Variants in SPAG16 observed in about 807,000 individuals in gnomAD.
SPAG16 encodes the protein sperm associated antigen 16, also known as sperm-associated antigen 16 protein.
In SPAG16, 86 loss-of-function variants were observed where a neutral mutation model predicts 80.4. That is an observed-to-expected ratio of 1.07 (90% CI 0.90 to 1.28). The LOEUF is 1.28. SPAG16 is among the 50% of genes most tolerant of loss of function. SPAG16 has a pLI of 0.00. For missense variants in SPAG16, 870 were observed against 765.3 expected (o/e 1.14, Z -1.61); for synonymous variants, 294 against 265.9 (o/e 1.11, Z -1.03).
In SPAG16 at chr2:214,098,675, A is replaced by G. The variant is rs541260217; in HGVS notation, c.1528-9521A>G. Among the ~76,000 whole-genome samples, 10 of 152,244 alleles carry G rather than the reference A, an allele frequency of 6.6e-5. No individual in the cohort carries two copies. In the South Asian group the frequency reaches 2.1e-3, roughly 32 times the overall value. ...GTTATGGTAGCTTTAGCAAACTAGT[A>G]TAAACTTAATTGTGTCTAAGGATGA... On this transcript the variant is annotated intron_variant, in intron 13 of 15. Transcript: ENST00000331683.
chr2:213,846,526 T>A (rs1206947397), intron 10 of SPAG16, among the ~76,000 whole-genome samples: 1 of 152,002 alleles, frequency 6.6e-6, no homozygotes, highest in Non-Finnish European at 1.5e-5. Flanking sequence ...GTAAAACCAG[T>A]CCATGTCATA....
intron 4 of SPAG16, 78 bp from the exon 5 acceptor site, chr2:213,317,141 A>G (rs954523568): frequency 1.2e-6 from 1 of 864,662 alleles, no homozygotes; most frequent in African/African-American, 1.7e-5. Flanking sequence ...CTGAGACTTA[A>G]CTTTTTGAAT....
At chr2:213,593,835 A>C (rs112912069) in intron 10 of SPAG16, among the ~76,000 whole-genome samples, 8,877 of 120,118 alleles carry the variant, frequency 0.074, 942 homozygotes, top group African/African-American at 0.25. Context: ...AGTGCAGTGT[A>C]GAGATCTCGG....
At chr2:213,597,586 C>CT (rs1230406388) in intron 10 of SPAG16, among the ~76,000 whole-genome samples, 1 of 151,990 alleles carries the variant, frequency 6.6e-6, no homozygotes, top group African/African-American at 2.4e-5. Context: ...ATTATAATTT[C>CT]TTTTTTTGCT....
chr2:214,191,583 GCATGCCCCTAAT>G (rs1389691069), intron 15 of SPAG16, among the ~76,000 whole-genome samples: 1 of 151,372 alleles, frequency 6.6e-6, no homozygotes, highest in Non-Finnish European at 1.5e-5. Context: ...GTGTGGTAGT[GCATGCCCCTAAT>G]CACAGCTAGG....
intron 1 of SPAG16, among the ~76,000 whole-genome samples, chr2:213,286,380 T>A (rs1217987434): frequency 2.0e-5 from 3 of 152,080 alleles, no homozygotes; most frequent in Non-Finnish European, 2.9e-5. Context: ...AGGGAAGAGG[T>A]TTAGTCATTT....
intron 10 of SPAG16, among the ~76,000 whole-genome samples, chr2:213,660,404 G>A (rs978688671): frequency 1.3e-5 from 2 of 151,966 alleles, no homozygotes; most frequent in African/African-American, 2.4e-5. Flanking sequence ...ACATATGTAT[G>A]TATGTATGTA....
intron 4 of SPAG16, among the ~76,000 whole-genome samples, chr2:213,313,920 A>G (rs546654133): frequency 5.3e-5 from 8 of 151,970 alleles, no homozygotes; most frequent in Non-Finnish European, 1.0e-4. Flanking sequence ...ACATGGAGGA[A>G]AAGTTCTCAT....
chr2:214,356,780 C>T (rs1028325418), intron 15 of SPAG16, among the ~76,000 whole-genome samples: 1 of 151,854 alleles, frequency 6.6e-6, no homozygotes, highest in African/African-American at 2.4e-5. Context: ...TTAGTTCTAT[C>T]TTATTTTTTA....
intron 14 of SPAG16, among the ~76,000 whole-genome samples, chr2:214,111,466 C>A (rs1482631952): frequency 6.6e-6 from 1 of 152,084 alleles, no homozygotes; most frequent in African/African-American, 2.4e-5. Context: ...TTTCTGAGGG[C>A]TCTGTTCTGT....
intron 14 of SPAG16, among the ~76,000 whole-genome samples, chr2:214,136,472 G>A (rs1403575799): frequency 1.3e-5 from 2 of 152,168 alleles, no homozygotes; most frequent in Non-Finnish European, 1.5e-5. Flanking sequence ...TTGTAATGAT[G>A]TAGTGCTGTG....
intron 9 of SPAG16, among the ~76,000 whole-genome samples, chr2:213,462,491 C>A (rs2072432944): frequency 6.6e-6 from 1 of 152,132 alleles, no homozygotes; most frequent in Admixed American, 6.5e-5. Context: ...TGTGTCCCTA[C>A]CCAAATCTCA....
At chr2:213,702,720 C>T (rs930526173) in intron 10 of SPAG16, among the ~76,000 whole-genome samples, 4 of 152,116 alleles carry the variant, frequency 2.6e-5, no homozygotes, top group African/African-American at 9.7e-5. Flanking sequence ...CAGTGAATTA[C>T]AAGGGAGTGT....
intron 5 of SPAG16, chr2:213,317,838 C>T (rs1298148977): frequency 1.8e-6 from 1 of 550,400 alleles, no homozygotes; most frequent in Non-Finnish European, 2.3e-6. Context: ...AAATGTATCC[C>T]TCTGTTGGGG....
At chr2:213,385,800 A>G (rs906074890) in intron 9 of SPAG16, among the ~76,000 whole-genome samples, 4 of 151,632 alleles carry the variant, frequency 2.6e-5, no homozygotes, top group African/African-American at 7.3e-5. Flanking sequence ...GTCCACACAC[A>G]CACACACACA....
At chr2:213,358,042 C>G (rs904349433) in intron 7 of SPAG16, among the ~76,000 whole-genome samples, 4 of 152,146 alleles carry the variant, frequency 2.6e-5, no homozygotes, top group Non-Finnish European at 5.9e-5. Context: ...ATATGAAATT[C>G]TGGGTTGAAA....
At position 213,685,636 on chromosome 2, in the gene SPAG16, A is replaced by G. The variant is rs562874251; in HGVS notation, c.1071-176849A>G. Among the ~76,000 whole-genome samples, 13 of 152,258 alleles carry G rather than the reference A, an allele frequency of 8.5e-5. No homozygotes were observed. The East Asian group carries it at 2.3e-3, about 27-fold the overall frequency. ...GCAAAGGAAGAATAAGAGCAACTTG[A>G]TCTGAAGAGAGGATAGAACAATAGG... On this transcript the variant is annotated intron_variant, in intron 10 of 15. Coordinates refer to ENST00000331683, the MANE Select transcript of SPAG16 (RefSeq NM_024532.5).
intron 10 of SPAG16, among the ~76,000 whole-genome samples, chr2:213,656,937 T>G (rs1222580530): frequency 1.3e-5 from 2 of 152,214 alleles, no homozygotes; most frequent in African/African-American, 4.8e-5. Context: ...AAAATTAAAC[T>G]TAAATAAGAC....
At chr2:214,131,817 AATAGACAGGGC>A (rs2054798304) in intron 14 of SPAG16, among the ~76,000 whole-genome samples, 1 of 152,178 alleles carries the variant, frequency 6.6e-6, no homozygotes, top group African/African-American at 2.4e-5. Flanking sequence ...GGGAGGGATG[AATAGACAGGGC>A]ATAGACAATT....
Sources: allele counts gnomAD v4.1 joint callset (sites outside exome capture counted in the v4.1 genomes callset), GRCh38; gene constraint gnomAD v4.1.1; transcripts MANE v1.5; gene names NCBI Gene and HGNC (gene_info 2026-07-23, HGNC 2026-07-21).